The following PTPRD variants were observed in gnomAD, a reference collection of about 807,000 sequenced individuals.
PTPRD encodes the protein protein tyrosine phosphatase receptor type D.
A neutral mutation model predicts 214.5 loss-of-function variants in PTPRD; 34 were observed. The ratio of observed to expected loss-of-function variants is 0.16; its 90% CI spans 0.12 to 0.21. The LOEUF (loss-of-function observed/expected upper bound fraction) is 0.21. Ranked by LOEUF, PTPRD falls within the 10% of genes least tolerant of loss-of-function variation. PTPRD has a pLI of 1.00. For missense variants in PTPRD, 2,545 were observed against 2,398.7 expected (o/e 1.06, Z -1.27); for synonymous variants, 1,128 against 845.7 (o/e 1.33, Z -5.79).
At chr9:10,070,210 T>A (rs1003111365) in intron 3 of PTPRD, among the ~76,000 whole-genome samples, 1 of 152,094 alleles carries the variant, frequency 6.6e-6, no homozygotes, top group Non-Finnish European at 1.5e-5. Context: ...CTGTCTGTTT[T>A]GTCCACTTTT....
intron 2 of PTPRD, among the ~76,000 whole-genome samples, chr9:10,425,515 T>G (rs1223519353): frequency 1.3e-5 from 2 of 152,002 alleles, no homozygotes; most frequent in Non-Finnish European, 2.9e-5. Flanking sequence ...TATGTCCTTA[T>G]AGCATAGGCT....
intron 10 of PTPRD, among the ~76,000 whole-genome samples, chr9:9,110,743 G>C (rs1020062004): frequency 6.6e-6 from 1 of 152,088 alleles, no homozygotes; most frequent in Admixed American, 6.6e-5. Flanking sequence ...AGTCTTCTCT[G>C]AACCACTATT....
intron 37 of PTPRD, among the ~76,000 whole-genome samples, chr9:8,382,752 A>C (rs1038007733): frequency 2.6e-5 from 4 of 152,198 alleles, no homozygotes; most frequent in Non-Finnish European, 4.4e-5. Context: ...TTTCAAAAAC[A>C]ATCCCATACA....
chr9:10,457,574 T>C (rs557912189), intron 2 of PTPRD, among the ~76,000 whole-genome samples: 1 of 152,036 alleles, frequency 6.6e-6, no homozygotes, highest in Non-Finnish European at 1.5e-5. Context: ...CTGTTATAGA[T>C]AAAGCTGCCA....
At chr9:9,285,097 A>T (rs1337593939) in intron 9 of PTPRD, among the ~76,000 whole-genome samples, 1 of 151,734 alleles carries the variant, frequency 6.6e-6, no homozygotes, top group Non-Finnish European at 1.5e-5. Context: ...ATAAAACCTC[A>T]CATATTTGGC....
intron 9 of PTPRD, among the ~76,000 whole-genome samples, chr9:9,369,916 G>C (rs1209647084): frequency 2.6e-5 from 4 of 152,134 alleles, no homozygotes; most frequent in African/African-American, 9.7e-5. Flanking sequence ...AGATCAGATA[G>C]TTGTAGATAC....
chr9:9,547,026 G>C (rs1295704104), intron 8 of PTPRD, among the ~76,000 whole-genome samples: 3 of 151,726 alleles, frequency 2.0e-5, no homozygotes, highest in African/African-American at 4.8e-5. Flanking sequence ...AATAGAGCAG[G>C]GGAAGACTAT....
rs145383416 is a variant in PTPRD, at chr9:8,626,253, C to T, written c.352+7064G>A. ...ATAAACCTCAATTATGTATGAATGA[C>T]TGTTTGATAGATTACTTTAAGTGAA... On this transcript the variant is annotated intron_variant, in intron 14 of 45. Coordinates refer to ENST00000381196, the MANE Select transcript of PTPRD (RefSeq NM_002839.4). Among the ~76,000 whole-genome samples the T allele has an allele frequency of 3.2e-3, 493 of 151,966 alleles. 3 individuals carry two copies. Among genetic ancestry groups the T allele is most frequent in the African/African-American group, 0.011 (465 of 41,514 alleles).
intron 11 of PTPRD, among the ~76,000 whole-genome samples, chr9:8,795,058 C>A (rs2096369232): frequency 6.6e-6 from 1 of 152,184 alleles, no homozygotes; most frequent in South Asian, 2.1e-4. Flanking sequence ...AAAATGGAAC[C>A]TTTTCAAATC....
intron 3 of PTPRD, among the ~76,000 whole-genome samples, chr9:10,334,664 G>C (rs10122293): frequency 1.3e-5 from 2 of 151,046 alleles, no homozygotes; most frequent in Admixed American, 6.6e-5. Context: ...AGAAAATCCA[G>C]AACAACAACA....
At chr9:8,735,344 A>G (rs778042036) in intron 11 of PTPRD, among the ~76,000 whole-genome samples, 2 of 151,548 alleles carry the variant, frequency 1.3e-5, no homozygotes, top group Non-Finnish European at 2.9e-5. Flanking sequence ...AGGTTTCACC[A>G]TGTTAACCAA....
intron 5 of PTPRD, among the ~76,000 whole-genome samples, chr9:9,854,910 A>G (rs940919085): frequency 3.3e-5 from 5 of 152,226 alleles, no homozygotes; most frequent in African/African-American, 4.8e-5. Context: ...CAACTGGACC[A>G]ACAAATTGAG....
intron 3 of PTPRD, among the ~76,000 whole-genome samples, chr9:10,164,893 GAA>G (rs5896374): frequency 2.4e-5 from 3 of 125,980 alleles, no homozygotes; most frequent in South Asian, 2.4e-4. Context: ...ATTTGAACAA[GAA>G]AAAAAAAAAA....
intron 2 of PTPRD, among the ~76,000 whole-genome samples, chr9:10,602,122 G>C (rs2078131032): frequency 6.6e-6 from 1 of 151,598 alleles, no homozygotes; most frequent in Non-Finnish European, 1.5e-5. Flanking sequence ...TCCTAATGTA[G>C]GGAAACGCAA....
At chr9:8,781,337 T>TG (rs937673334) in intron 11 of PTPRD, among the ~76,000 whole-genome samples, 3 of 152,168 alleles carry the variant, frequency 2.0e-5, no homozygotes, top group African/African-American at 7.2e-5. Flanking sequence ...GCCTGTGGTG[T>TG]GGTATCCATA....
chr9:8,872,174 G>A (rs1054451127), intron 11 of PTPRD, among the ~76,000 whole-genome samples: 10 of 152,168 alleles, frequency 6.6e-5, no homozygotes, highest in Non-Finnish European at 1.3e-4. Flanking sequence ...CCTCTCCTGG[G>A]TCTCCTATGG....
chr9:9,416,822 C>G (rs1244992870), intron 8 of PTPRD, among the ~76,000 whole-genome samples: 5 of 152,152 alleles, frequency 3.3e-5, no homozygotes, highest in Non-Finnish European at 7.4e-5. Flanking sequence ...AGCCATAAAC[C>G]AGCTTCTGTT....
Position 10,321,107 on chromosome 9 carries a change from T to C in PTPRD, c.-545+19856A>G, listed in dbSNP as rs1279803874. Among the ~76,000 whole-genome samples, 2 of 152,072 alleles carry C rather than the reference T, an allele frequency of 1.3e-5. 1 individual carries two copies. Among genetic ancestry groups the C allele is most frequent in the Admixed American group, 1.3e-4 (2 of 15,254 alleles). On this transcript the variant is annotated intron_variant, in intron 3 of 45. Transcript: ENST00000381196. ...GAAAACAAGATAGCCTCCATTCTCA[T>C]GCAGCTTTAGTAATGCGACATACTT...
intron 2 of PTPRD, among the ~76,000 whole-genome samples, chr9:10,344,036 G>C (rs138466930): frequency 9.8e-5 from 8 of 81,960 alleles, no homozygotes; most frequent in Admixed American, 1.6e-4. Flanking sequence ...AGTTTAATTA[G>C]ATCCCATTTG....
Sources: gnomAD v4.1 joint callset for allele counts (sites outside exome capture counted in the v4.1 genomes callset) on GRCh38, gnomAD v4.1.1 for gene constraint, MANE v1.5 for transcripts, NCBI Gene and HGNC (gene_info 2026-07-23, HGNC 2026-07-21) for gene names.